Variants in SPATA31G1 observed in about 807,000 individuals in gnomAD.
SPATA31G1 encodes the protein SPATA31 subfamily G member 1.
the SPATA31G1 span, chr9:35,043,138 T>C: frequency 2.5e-6 from 4 of 1,614,136 alleles, no homozygotes; most frequent in Admixed American, 6.7e-5. Flanking sequence ...TTCCCCATCT[T>C]CCAGATTCTG....
chr9:35,042,383 GAC>G, the SPATA31G1 span: 1 of 1,614,232 alleles, frequency 6.2e-7, no homozygotes, highest in Non-Finnish European at 8.5e-7. Context: ...GAAATCTGGT[GAC>G]ACTATTCTTA....
the SPATA31G1 span, chr9:35,043,633 C>G: frequency 9.9e-6 from 16 of 1,614,228 alleles, no homozygotes; most frequent in Non-Finnish European, 1.4e-5. Context: ...ATGCCCCAAG[C>G]TTTTGAGCCT....
chr9:35,041,584 T>C, the SPATA31G1 span: 3 of 153,348 alleles, frequency 2.0e-5, no homozygotes, highest in African/African-American at 7.3e-5. Context: ...CTAAGAATAA[T>C]ATGCCAGGCA....
the SPATA31G1 span, chr9:35,045,770 C>T: frequency 1.9e-6 from 3 of 1,614,078 alleles, no homozygotes; most frequent in Non-Finnish European, 2.5e-6. Context: ...AGTATCTCTC[C>T]TTCCCTACCC....
the SPATA31G1 span, chr9:35,045,165 C>T: frequency 6.2e-7 from 1 of 1,614,158 alleles, no homozygotes; most frequent in Non-Finnish European, 8.5e-7. Flanking sequence ...TTCAAGTTGT[C>T]ATCCTCAAGA....
At chr9:35,044,883 G>GT in the SPATA31G1 span, 1 of 1,614,066 alleles carries the variant, frequency 6.2e-7, no homozygotes. Flanking sequence ...ACCCAAGGGA[G>GT]TAACGTGCCC....
the SPATA31G1 span, chr9:35,044,450 AC>A: frequency 6.2e-7 from 1 of 1,614,052 alleles, no homozygotes; most frequent in Non-Finnish European, 8.5e-7. Flanking sequence ...CTTGTAACTT[AC>A]CCCAAGACCT....
the SPATA31G1 span, chr9:35,043,951 G>A: frequency 6.2e-7 from 1 of 1,613,562 alleles, no homozygotes; most frequent in South Asian, 1.1e-5. Flanking sequence ...TCTGGAACCA[G>A]CCCTGAATGT....
chr9:35,045,366 T>C, the SPATA31G1 span: 1 of 1,614,098 alleles, frequency 6.2e-7, no homozygotes, highest in African/African-American at 1.3e-5. Context: ...TGGTGTGGAC[T>C]ATCTATCTCC....
At chr9:35,044,218 T>A in the SPATA31G1 span, 1 of 1,614,122 alleles carries the variant, frequency 6.2e-7, no homozygotes, top group Non-Finnish European at 8.5e-7. Context: ...CCACACAGAA[T>A]CAATCCTGGG....
At chr9:35,042,718 G>A in the SPATA31G1 span, 1 of 1,199,866 alleles carries the variant, frequency 8.3e-7, no homozygotes, top group South Asian at 1.4e-5. Flanking sequence ...ACTAGATGAG[G>A]AGCTGTGTAG....
chr9:35,041,886 T>C, the SPATA31G1 span: 2 of 177,534 alleles, frequency 1.1e-5, no homozygotes, highest in African/African-American at 4.8e-5. Flanking sequence ...ATAATAACAA[T>C]AAATATCTAT....
chr9:35,044,640 G>A, the SPATA31G1 span: 37 of 1,614,118 alleles, frequency 2.3e-5, no homozygotes, highest in Middle Eastern at 3.3e-4. Context: ...TAAGCCTGAC[G>A]GGGAGGCAGT....
the SPATA31G1 span, chr9:35,043,556 TG>T: frequency 1.2e-6 from 2 of 1,614,114 alleles, no homozygotes; most frequent in Non-Finnish European, 1.7e-6. Flanking sequence ...CACAGTCCCC[TG>T]GAACTAGCCC....
At chr9:35,042,218 G>C in the SPATA31G1 span, 11 of 1,602,606 alleles carry the variant, frequency 6.9e-6, no homozygotes, top group African/African-American at 1.3e-5. Flanking sequence ...GTGATGCAAT[G>C]ATGACCTCAG....
chr9:35,044,590 A>G, the SPATA31G1 span: 1 of 1,614,182 alleles, frequency 6.2e-7, no homozygotes, highest in Admixed American at 1.7e-5. Context: ...TCTGTTTCAA[A>G]GTCCCACGTA....
chr9:35,042,184 T>A, the SPATA31G1 span: 1 of 1,552,670 alleles, frequency 6.4e-7, no homozygotes, highest in Non-Finnish European at 8.7e-7. Context: ...CAGGCCTCTG[T>A]GGGGGATGGG....
the SPATA31G1 span, chr9:35,045,174 G>A: frequency 6.2e-7 from 1 of 1,613,942 alleles, no homozygotes; most frequent in Non-Finnish European, 8.5e-7. Flanking sequence ...TCATCCTCAA[G>A]AAGTTCAGCG....
chr9:35,042,457 G>C, the SPATA31G1 span: 1 of 1,614,108 alleles, frequency 6.2e-7, no homozygotes, highest in African/African-American at 1.3e-5. Flanking sequence ...CTTCATCCCT[G>C]GTGCTCTGGG....
Sources: allele counts gnomAD v4.1 joint callset, GRCh38; gene constraint gnomAD v4.1.1; transcripts MANE v1.5; gene names NCBI Gene and HGNC (gene_info 2026-07-23, HGNC 2026-07-21).